Variants in SSBP2 observed in about 807,000 individuals in gnomAD.
SSBP2 encodes the protein single-stranded DNA-binding protein 2.
In SSBP2, 17 loss-of-function variants were observed where a neutral mutation model predicts 61.8. The observed-to-expected ratio is 0.28, with a 90% CI of 0.19 to 0.41. SSBP2 has a LOEUF of 0.41. Ranked by LOEUF, SSBP2 falls within the 10% of genes least tolerant of loss-of-function variation. SSBP2 has a pLI of 1.00. For missense variants in SSBP2, 310 were observed against 458.7 expected (o/e 0.68, Z 2.96); for synonymous variants, 139 against 141.3 (o/e 0.98, Z 0.12).
intron 4 of SSBP2, among the ~76,000 whole-genome samples, chr5:81,592,380 G>C (rs919280464): frequency 1.3e-5 from 2 of 152,220 alleles, no homozygotes; most frequent in Non-Finnish European, 2.9e-5. Flanking sequence ...AGCTCAAGGA[G>C]GCCTGCCTGC....
chr5:81,550,103 C>A (rs910482107), intron 4 of SSBP2, among the ~76,000 whole-genome samples: 1 of 152,178 alleles, frequency 6.6e-6, no homozygotes, highest in Non-Finnish European at 1.5e-5. Flanking sequence ...CTCTTGCTTG[C>A]TGTACTGGTT....
intron 1 of SSBP2, among the ~76,000 whole-genome samples, chr5:81,719,591 TTTTC>T (rs926765156): frequency 2.6e-5 from 4 of 152,052 alleles, no homozygotes; most frequent in Non-Finnish European, 4.4e-5. Flanking sequence ...CCAGGTTTTG[TTTTC>T]TTTGAGTGTG....
At chr5:81,455,946 G>A (rs1764114480) in intron 10 of SSBP2, among the ~76,000 whole-genome samples, 1 of 152,106 alleles carries the variant, frequency 6.6e-6, no homozygotes, top group African/African-American at 2.4e-5. Flanking sequence ...GTAACTAGAG[G>A]ACTTTCATTT....
intron 1 of SSBP2, among the ~76,000 whole-genome samples, chr5:81,723,262 T>G (rs934680562): frequency 1.3e-5 from 2 of 152,014 alleles, no homozygotes; most frequent in Admixed American, 6.6e-5. Context: ...AGTTATATAT[T>G]TAGTAATTTG....
chr5:81,540,869 T>C (rs1331074639), intron 4 of SSBP2, among the ~76,000 whole-genome samples: 1 of 151,782 alleles, frequency 6.6e-6, no homozygotes, highest in Non-Finnish European at 1.5e-5. Flanking sequence ...CATTCAATAT[T>C]AAGGGTTAAA....
chr5:81,455,328 C>A (rs1764062634), intron 10 of SSBP2, among the ~76,000 whole-genome samples: 1 of 112,214 alleles, frequency 8.9e-6, no homozygotes, highest in Non-Finnish European at 1.6e-5. Flanking sequence ...ATCCCTAAAT[C>A]CTCCTTCTAG....
chr5:81,552,824 G>A (rs1250429401), intron 4 of SSBP2, among the ~76,000 whole-genome samples: 1 of 152,052 alleles, frequency 6.6e-6, no homozygotes, highest in Non-Finnish European at 1.5e-5. Context: ...TAATTATAAA[G>A]AGCATGAAAA....
intron 4 of SSBP2, among the ~76,000 whole-genome samples, chr5:81,606,452 C>G (rs1252796769): frequency 6.6e-6 from 1 of 152,064 alleles, no homozygotes; most frequent in Non-Finnish European, 1.5e-5. Context: ...TCAGGTCAAT[C>G]CTATCTTGGT....
chr5:81,720,349 TACTG>T (rs1439104105), intron 1 of SSBP2, among the ~76,000 whole-genome samples: 3 of 152,204 alleles, frequency 2.0e-5, no homozygotes, highest in African/African-American at 7.2e-5. Flanking sequence ...CTTGGTTTAA[TACTG>T]ACTGTCTGTA....
intron 5 of SSBP2, among the ~76,000 whole-genome samples, chr5:81,512,894 C>T (rs1470865806): frequency 3.3e-5 from 5 of 151,936 alleles, no homozygotes; most frequent in Non-Finnish European, 7.4e-5. Context: ...TTCTTAGCTC[C>T]TAAGTTCTTA....
chr5:81,464,685 A>G (rs1471235501), intron 9 of SSBP2, among the ~76,000 whole-genome samples: 1 of 152,142 alleles, frequency 6.6e-6, no homozygotes, highest in Non-Finnish European at 1.5e-5. Context: ...TCCAGATATG[A>G]GTCTCTGGCA....
intron 1 of SSBP2, among the ~76,000 whole-genome samples, chr5:81,662,314 A>C (rs776811242): frequency 5.9e-5 from 9 of 152,002 alleles, no homozygotes; most frequent in Non-Finnish European, 1.3e-4. Context: ...AAAAAGACAA[A>C]AAATTAGCCG....
intron 4 of SSBP2, among the ~76,000 whole-genome samples, chr5:81,582,053 T>G (rs1397200044): frequency 6.6e-6 from 1 of 152,150 alleles, no homozygotes; most frequent in Non-Finnish European, 1.5e-5. Context: ...AGCCTTAAAG[T>G]AAATAGCTTT....
chr5:81,735,527 C>T (rs111708423), intron 1 of SSBP2, among the ~76,000 whole-genome samples: 2,500 of 152,194 alleles, frequency 0.016, 75 homozygotes, highest in African/African-American at 0.057. Context: ...AATATAAATG[C>T]TATGTAAACA....
intron 1 of SSBP2, among the ~76,000 whole-genome samples, chr5:81,748,692 T>C (rs1010119663): frequency 6.6e-6 from 1 of 152,186 alleles, no homozygotes; most frequent in Non-Finnish European, 1.5e-5. Flanking sequence ...CCAATTGAAA[T>C]GAATGGAAGA....
chr5:81,692,116 A>T (rs1336887715), intron 1 of SSBP2, among the ~76,000 whole-genome samples: 1 of 152,206 alleles, frequency 6.6e-6, no homozygotes, highest in Non-Finnish European at 1.5e-5. Flanking sequence ...AAACCCAAAG[A>T]CTCCACCAAA....
intron 4 of SSBP2, among the ~76,000 whole-genome samples, chr5:81,517,280 C>T (rs1388780546): frequency 6.6e-6 from 1 of 151,376 alleles, no homozygotes; most frequent in Non-Finnish European, 1.5e-5. Flanking sequence ...TCTAACAGAT[C>T]AATTTGCATG....
chr5:81,571,389 T>G (rs1773830458), intron 4 of SSBP2, among the ~76,000 whole-genome samples: 1 of 152,172 alleles, frequency 6.6e-6, no homozygotes, highest in Non-Finnish European at 1.5e-5. Context: ...TCTAATAGCA[T>G]CTAAGCTAGT....
chr5:81,578,930 C>T (rs1774437686), intron 4 of SSBP2, among the ~76,000 whole-genome samples: 1 of 151,716 alleles, frequency 6.6e-6, no homozygotes, highest in South Asian at 2.1e-4. Context: ...TTTTGGAGTA[C>T]ATAGACTAAA....
Sources: gnomAD v4.1 joint callset for allele counts (sites outside exome capture counted in the v4.1 genomes callset) on GRCh38, gnomAD v4.1.1 for gene constraint, MANE v1.5 for transcripts, NCBI Gene and HGNC (gene_info 2026-07-23, HGNC 2026-07-21) for gene names.